PLXNA4: variants seen among roughly 807,000 people sequenced by gnomAD.
PLXNA4 encodes plexin-A4.
A neutral mutation model predicts 191.8 loss-of-function variants in PLXNA4; 44 were observed. That is an observed-to-expected ratio of 0.23 (90% CI 0.18 to 0.29). The LOEUF (loss-of-function observed/expected upper bound fraction) is 0.29. Ranked by LOEUF, PLXNA4 falls within the 10% of genes least tolerant of loss-of-function variation. The pLI is 1.00. For missense variants in PLXNA4, 1,800 were observed against 2,488.8 expected, an observed-to-expected ratio of 0.72 and a Z score of 5.89; for synonymous variants, 1,082 against 1,009.5, an observed-to-expected ratio of 1.07 and a Z score of -1.36.
At chr7:132,461,860 T>C (rs554564280) in intron 3 of PLXNA4, among the ~76,000 whole-genome samples, 86 of 152,368 alleles carry the variant, frequency 5.6e-4, no homozygotes, top group African/African-American at 2.0e-3. Flanking sequence ...GCTTAAATAT[T>C]ATTCCCTTCA....
intron 2 of PLXNA4, among the ~76,000 whole-genome samples, chr7:132,607,772 T>A (rs200642172): frequency 6.6e-6 from 1 of 151,916 alleles, no homozygotes; most frequent in South Asian, 2.1e-4. Context: ...CACATCATCA[T>A]TATCACCATC....
chr7:132,584,456 C>T (rs1366577061), intron 2 of PLXNA4, among the ~76,000 whole-genome samples: 1 of 152,154 alleles, frequency 6.6e-6, no homozygotes, highest in Admixed American at 6.5e-5. Context: ...AAGATTAGTG[C>T]ACTGGGTTTG....
chr7:132,568,247 GC>G (rs1801821680), intron 1 of PLXNA4, among the ~76,000 whole-genome samples: 1 of 152,192 alleles, frequency 6.6e-6, no homozygotes, highest in Non-Finnish European at 1.5e-5. Flanking sequence ...CTTCCCAGCA[GC>G]CGTGCCATCC....
chr7:132,200,049 G>A (rs955975277), intron 12 of PLXNA4, among the ~76,000 whole-genome samples: 1 of 152,212 alleles, frequency 6.6e-6, no homozygotes, highest in Non-Finnish European at 1.5e-5. Flanking sequence ...AAGTGCCACT[G>A]GCATCTGGCA....
intron 1 of PLXNA4, among the ~76,000 whole-genome samples, chr7:132,522,506 C>T (rs1250912036): frequency 1.3e-5 from 2 of 152,198 alleles, no homozygotes; most frequent in African/African-American, 4.8e-5. Flanking sequence ...TGTTGACTCA[C>T]GCCTGTAATC....
chr7:132,166,741 G>A (rs1403438267), intron 22 of PLXNA4, among the ~76,000 whole-genome samples: 3 of 151,964 alleles, frequency 2.0e-5, no homozygotes, highest in African/African-American at 7.3e-5. Context: ...GAGGCAGAGC[G>A]AGACCACGCC....
intron 4 of PLXNA4, among the ~76,000 whole-genome samples, chr7:132,261,488 A>G (rs1245613001): frequency 1.3e-5 from 2 of 152,194 alleles, no homozygotes; most frequent in African/African-American, 4.8e-5. Context: ...CACACTATTT[A>G]TCAATTAGTG....
chr7:132,335,215 C>T (rs1429028587), intron 3 of PLXNA4, among the ~76,000 whole-genome samples: 10 of 152,172 alleles, frequency 6.6e-5, no homozygotes, highest in Admixed American at 3.9e-4. Flanking sequence ...GTACAGCAAC[C>T]TTCACAGGGC....
At chr7:132,158,868 C>T (rs563921243) in intron 25 of PLXNA4, among the ~76,000 whole-genome samples, 3 of 152,288 alleles carry the variant, frequency 2.0e-5, no homozygotes, top group South Asian at 4.1e-4. Flanking sequence ...TACAGGTGGC[C>T]CTAACCAGCA....
At chr7:132,200,568 G>C (rs1352767770) in intron 12 of PLXNA4, among the ~76,000 whole-genome samples, 5 of 152,222 alleles carry the variant, frequency 3.3e-5, no homozygotes, top group African/African-American at 1.2e-4. Flanking sequence ...CTCAGAGCCT[G>C]TATAGCCAGG....
chr7:132,272,653 C>T (rs1006498066), intron 4 of PLXNA4, among the ~76,000 whole-genome samples: 6 of 152,152 alleles, frequency 3.9e-5, no homozygotes, highest in African/African-American at 1.4e-4. Flanking sequence ...TGTTGCCCAA[C>T]TCTTCAGTCT....
upstream of PLXNA4, among the ~76,000 whole-genome samples, chr7:132,581,093 T>C (rs1302030521): frequency 6.6e-6 from 1 of 152,220 alleles, no homozygotes; most frequent in Non-Finnish European, 1.5e-5. Context: ...TTTCGAGGGA[T>C]GGGCAGCAGC....
chr7:132,418,351 T>C (rs1032613465), intron 3 of PLXNA4, among the ~76,000 whole-genome samples: 1 of 152,184 alleles, frequency 6.6e-6, no homozygotes, highest in Non-Finnish European at 1.5e-5. Context: ...GGAGTTGTGA[T>C]TGCTCCTGTT....
At chr7:132,175,944 G>T (rs1796442387) in intron 20 of PLXNA4, among the ~76,000 whole-genome samples, 1 of 152,170 alleles carries the variant, frequency 6.6e-6, no homozygotes, top group African/African-American at 2.4e-5. Flanking sequence ...AAAATATTTT[G>T]TGAACTCAGA....
In PLXNA4 at chr7:132,194,516, T is replaced by C. The variant is rs1275327305; in HGVS notation, c.2739-337A>G. ...AGCCAAAACCCTTAGGGAATAGGGCTGGCAGAGTCCAGAGAGGCAAAGCCA... is the reference window on the plus strand; with the variant it reads ...AGCCAAAACCCTTAGGGAATAGGGCCGGCAGAGTCCAGAGAGGCAAAGCCA... On this transcript the variant is annotated intron_variant, in intron 13 of 31. Transcript: ENST00000321063. 2.0e-5 allele frequency among the ~76,000 whole-genome samples: 3 copies of C among 152,326 alleles called. No homozygotes were observed. In the East Asian group the frequency reaches 5.8e-4, roughly 29 times the overall value.
At chr7:132,405,058 A>ATG (rs1056382602) in intron 3 of PLXNA4, among the ~76,000 whole-genome samples, 21 of 66,916 alleles carry the variant, frequency 3.1e-4, no homozygotes, top group East Asian at 2.1e-3. Context: ...AGCTGAGGGT[A>ATG]TGTGTGTGTG....
At chr7:132,319,723 C>T (rs1019413874) in intron 3 of PLXNA4, among the ~76,000 whole-genome samples, 10 of 152,264 alleles carry the variant, frequency 6.6e-5, no homozygotes, top group Admixed American at 6.5e-4. Flanking sequence ...GGTTTTCTCA[C>T]ACTGCCTCCC....
At chr7:132,450,539 TG>T (rs1256705884) in intron 3 of PLXNA4, among the ~76,000 whole-genome samples, 2 of 152,196 alleles carry the variant, frequency 1.3e-5, no homozygotes, top group African/African-American at 2.4e-5. Flanking sequence ...CCAGTGATCA[TG>T]TTCATTTCAC....
intron 23 of PLXNA4, among the ~76,000 whole-genome samples, chr7:132,164,519 C>A (rs1018108116): frequency 6.6e-6 from 1 of 152,188 alleles, no homozygotes; most frequent in East Asian, 1.9e-4. Context: ...ACCCATTTCT[C>A]CTTTCCTACT....
Sources: gnomAD v4.1 joint callset for allele counts (sites outside exome capture counted in the v4.1 genomes callset) on GRCh38, gnomAD v4.1.1 for gene constraint, MANE v1.5 for transcripts, NCBI Gene and HGNC (gene_info 2026-07-23, HGNC 2026-07-21) for gene names.